UNC5D: variants seen among roughly 807,000 people sequenced by gnomAD.
UNC5D encodes unc-5 netrin receptor D.
Under a neutral mutation model 105.4 loss-of-function variants are expected in UNC5D, and 39 were observed. The ratio of observed to expected loss-of-function variants is 0.37; its 90% CI spans 0.29 to 0.48. The LOEUF (loss-of-function observed/expected upper bound fraction) is 0.48. UNC5D is among the 20% of genes least tolerant of loss of function. UNC5D has a pLI of 0.98. For missense variants in UNC5D, 991 were observed against 1,202.4 expected (o/e 0.82, Z 2.60); for synonymous variants, 452 against 450.4 (o/e 1.00, Z -0.04).
intron 1 of UNC5D, among the ~76,000 whole-genome samples, chr8:35,316,142 G>T (rs1405053869): frequency 1.3e-5 from 2 of 152,188 alleles, no homozygotes; most frequent in African/African-American, 4.8e-5. Flanking sequence ...AGTGGCAGTT[G>T]AATAGCTGTA....
At position 35,271,710 on chromosome 8, in the gene UNC5D, TATTTATACATGTATAC is replaced by T. The variant is rs1563268271; in HGVS notation, c.103+35826_103+35841del. Among the ~76,000 whole-genome samples, 743 of 115,918 alleles carry T rather than the reference TATTTATACATGTATAC, an allele frequency of 6.4e-3. 32 individuals are homozygous for T. Among genetic ancestry groups the T allele is most frequent in the African/African-American group, 0.023 (692 of 29,916 alleles). 76.0% of individuals were successfully genotyped at this position (115,918 alleles called of 152,430 possible). ...ATACATGTATACATGTATACATATA[TATTTATACATGTATAC>T]ATGTATACATATATATTTATACATG... On this transcript the variant is annotated intron_variant, in intron 1 of 16. Coordinates refer to ENST00000404895, the MANE Select transcript of UNC5D (RefSeq NM_080872.4).
At chr8:35,600,627 C>A in intron 4 of UNC5D, among the ~76,000 whole-genome samples, 1 of 152,150 alleles carries the variant, frequency 6.6e-6, no homozygotes, top group Non-Finnish European at 1.5e-5. Context: ...ATATCCTTCG[C>A]CCACTTTTTG....
chr8:35,258,251 C>T (rs528297176), intron 1 of UNC5D, among the ~76,000 whole-genome samples: 1 of 152,338 alleles, frequency 6.6e-6, no homozygotes, highest in Admixed American at 6.5e-5. Flanking sequence ...GGGGCAAATC[C>T]TGTTTCATCA....
At chr8:35,722,084 T>C in intron 8 of UNC5D, 126 bp from the exon 9 acceptor site, 7 of 1,047,062 alleles carry the variant, frequency 6.7e-6, no homozygotes, top group Non-Finnish European at 6.9e-6. Flanking sequence ...TTGTGTTCAC[T>C]GTACATCTGT....
intron 1 of UNC5D, among the ~76,000 whole-genome samples, chr8:35,470,816 TAAA>T (rs1211012581): frequency 2.0e-5 from 3 of 146,970 alleles, no homozygotes; most frequent in Non-Finnish European, 4.5e-5. Context: ...ATAAATAAAA[TAAA>T]AAGAATGAGC....
At chr8:35,772,991 A>G (rs1201739918) in intron 15 of UNC5D, among the ~76,000 whole-genome samples, 1 of 152,130 alleles carries the variant, frequency 6.6e-6, no homozygotes, top group African/African-American at 2.4e-5. Flanking sequence ...CTAGACAAGG[A>G]GAAAAGGTAC....
At position 35,337,876 on chromosome 8, in the gene UNC5D, G is replaced by A. The variant is rs576576275; in HGVS notation, c.103+101989G>A. On this transcript the variant is annotated intron_variant, in intron 1 of 16. Coordinates refer to ENST00000404895, the MANE Select transcript of UNC5D (RefSeq NM_080872.4). ...AAGTTATAAATTATTAAAGGTTTGT[G>A]TTTGAGACATTATTTCACTTCTGCA... is the stretch of plus-strand genomic sequence containing the variant. Among the ~76,000 whole-genome samples the A allele has an allele frequency of 2.0e-5, 3 of 152,206 alleles. No homozygotes were observed. In the South Asian group the frequency reaches 6.2e-4, roughly 32 times the overall value.
At chr8:35,489,446 A>G (rs958475680) in intron 1 of UNC5D, among the ~76,000 whole-genome samples, 1 of 152,172 alleles carries the variant, frequency 6.6e-6, no homozygotes, top group Admixed American at 6.5e-5. Context: ...TGAGTCCATC[A>G]GGGTGGTTTT....
chr8:35,415,859 A>G (rs1805495074), intron 1 of UNC5D, among the ~76,000 whole-genome samples: 1 of 152,194 alleles, frequency 6.6e-6, no homozygotes, highest in African/African-American at 2.4e-5. Context: ...CCAGAAAAGT[A>G]AACTACAGTA....
At chr8:35,691,308 C>G (rs1282976156) in intron 7 of UNC5D, among the ~76,000 whole-genome samples, 1 of 152,052 alleles carries the variant, frequency 6.6e-6, no homozygotes, top group Non-Finnish European at 1.5e-5. Flanking sequence ...CATAGCAAGA[C>G]CCCGGTCTCT....
rs530828841 is a variant in UNC5D, at chr8:35,262,609, A to T, written c.103+26722A>T. Among the ~76,000 whole-genome samples, 7 of 152,348 alleles carry T rather than the reference A, an allele frequency of 4.6e-5. No homozygotes were observed. In the East Asian group the frequency reaches 1.4e-3, roughly 29 times the overall value. On this transcript the variant is annotated intron_variant, in intron 1 of 16. Transcript: ENST00000404895. ...TACTGAAAGAATTTAGAAGGGCTTC[A>T]TTGGAGAGCCAGAGGGAGCTAGTTT... is the stretch of plus-strand genomic sequence containing the variant.
At chr8:35,741,076 C>T (rs1829734701) in intron 11 of UNC5D, among the ~76,000 whole-genome samples, 1 of 152,184 alleles carries the variant, frequency 6.6e-6, no homozygotes, top group Admixed American at 6.5e-5. Context: ...CACTATCTCA[C>T]TTCTTCTAAA....
chr8:35,674,392 TGTGA>T (rs991749711), intron 4 of UNC5D, among the ~76,000 whole-genome samples: 6 of 152,106 alleles, frequency 3.9e-5, no homozygotes, highest in African/African-American at 7.2e-5. Flanking sequence ...TATAAATGTG[TGTGA>T]GTGTGTTTGT....
At chr8:35,278,398 A>G (rs577255080) in intron 1 of UNC5D, among the ~76,000 whole-genome samples, 2 of 152,278 alleles carry the variant, frequency 1.3e-5, no homozygotes, top group African/African-American at 4.8e-5. Flanking sequence ...TCTGCTTTAT[A>G]TCTAGCAAAA....
chr8:35,436,979 A>G (rs1253028190), intron 1 of UNC5D, among the ~76,000 whole-genome samples: 3 of 151,992 alleles, frequency 2.0e-5, no homozygotes, highest in Admixed American at 6.6e-5. Flanking sequence ...ACTGTCATTT[A>G]CTACACAGGA....
chr8:35,302,802 A>G (rs78554576), intron 1 of UNC5D, among the ~76,000 whole-genome samples: 2 of 152,310 alleles, frequency 1.3e-5, no homozygotes, highest in African/African-American at 2.4e-5. Context: ...TCTGTTAGAT[A>G]AAACAGTCTT....
intron 1 of UNC5D, among the ~76,000 whole-genome samples, chr8:35,379,144 G>A (rs1802878423): frequency 6.6e-6 from 1 of 152,134 alleles, no homozygotes; most frequent in Non-Finnish European, 1.5e-5. Flanking sequence ...GGTCTCTTGA[G>A]CTGAGGAATG....
intron 6 of UNC5D, among the ~76,000 whole-genome samples, chr8:35,685,166 A>G (rs147987449): frequency 1.3e-5 from 2 of 152,308 alleles, no homozygotes; most frequent in East Asian, 1.9e-4. Context: ...ACTCTTTATC[A>G]TTAGTTATCA....
Position 35,549,405 on chromosome 8 carries a change from C to G in UNC5D, c.217C>G (p.Leu73Val), listed in dbSNP as rs201950756. 6.2e-7 allele frequency: 1 copy of G among 1,613,318 alleles called. No homozygotes were observed. Among genetic ancestry groups the G allele is most frequent in the Non-Finnish European group, 8.5e-7 (1 of 1,180,040 alleles). Residue 73 changes from leucine (L) to valine (V), a missense_variant, in exon 2 of 17, where the codon CTC becomes GTC. Leu to Val is a conservative substitution (Grantham distance 32, BLOSUM62 1). Around this residue, in one of 3 missense-constraint regions of UNC5D, gnomAD observed 944 missense variants for 1,131.6 expected, o/e 0.83. Transcript: ENST00000404895. ...AYIIKSNPIA[L>V]RCKARPAMQI... ...TATTATCAAGAGCAACCCTATTGCA[C>G]TCAGGTGCAAAGCGAGGCCAGCCAT... is the stretch of plus-strand genomic sequence containing the variant.
Sources: allele counts gnomAD v4.1 joint callset (sites outside exome capture counted in the v4.1 genomes callset), GRCh38; gene constraint gnomAD v4.1.1; regional missense constraint gnomAD v4.1.1; transcripts MANE v1.5; gene names NCBI Gene and HGNC (gene_info 2026-07-23, HGNC 2026-07-21).